ATP9B: variants seen among roughly 807,000 people sequenced by gnomAD.
The protein encoded by ATP9B is ATPase phospholipid transporting 9B.
A neutral mutation model predicts 146.1 loss-of-function variants in ATP9B; 110 were observed. The observed-to-expected ratio is 0.75, with a 90% CI of 0.65 to 0.88. ATP9B has a LOEUF of 0.88. Among genes scored for constraint, ATP9B ranks in the 40% least tolerant of loss-of-function variants. The pLI, the probability that ATP9B is intolerant of heterozygous loss-of-function variation, is 0.00. For synonymous variants in ATP9B, 604 were observed against 569.7 expected, an observed-to-expected ratio of 1.06 and a Z score of -0.86; for missense variants, 1,499 against 1,496.4, an observed-to-expected ratio of 1.00 and a Z score of -0.03.
chr18:79,186,106 TAAC>T (rs2095306190), intron 8 of ATP9B, among the ~76,000 whole-genome samples: 1 of 152,230 alleles, frequency 6.6e-6, no homozygotes, highest in South Asian at 2.1e-4. Context: ...ACAAATTTAT[TAAC>T]AACCACAAGG....
chr18:79,345,922 T>C, intron 23 of ATP9B, 83 bp downstream of exon 23: 1 of 1,462,694 alleles, frequency 6.8e-7, no homozygotes, highest in Non-Finnish European at 9.5e-7. Flanking sequence ...CACTGTACAC[T>C]CAGCACCTAC....
At chr18:79,206,496 T>G (rs927931780) in intron 9 of ATP9B, among the ~76,000 whole-genome samples, 2 of 152,098 alleles carry the variant, frequency 1.3e-5, no homozygotes, top group Non-Finnish European at 2.9e-5. Flanking sequence ...AATGATGTGT[T>G]AAAGATGTAG....
intron 12 of ATP9B, among the ~76,000 whole-genome samples, chr18:79,264,791 G>C (rs1295906886): frequency 6.6e-6 from 1 of 152,080 alleles, no homozygotes; most frequent in African/African-American, 2.4e-5. Flanking sequence ...TGCCCCGTCT[G>C]CCATGTACCA....
At position 79,288,037 on chromosome 18, in the gene ATP9B, C is replaced by G. The variant is rs374255120; in HGVS notation, c.1411+10841C>G. On this transcript the variant is annotated intron_variant, in intron 13 of 29. Coordinates refer to ENST00000426216, the MANE Select transcript of ATP9B (RefSeq NM_198531.5). ...TTGCTGAGGAGAGCTTTACTTCCAA[C>G]TATGTGGTCAATTTTGGAATAGGTG... Among the ~76,000 whole-genome samples, 335 of 151,686 alleles carry G rather than the reference C, an allele frequency of 2.2e-3. 1 individual carries two copies. The highest frequency in any genetic ancestry group is 5.2e-3 in the South Asian group (25 of 4,766).
intron 13 of ATP9B, among the ~76,000 whole-genome samples, chr18:79,288,394 C>G (rs1278558319): frequency 6.6e-6 from 1 of 152,026 alleles, no homozygotes; most frequent in African/African-American, 2.4e-5. Flanking sequence ...TTTTGATCTT[C>G]GTTGGTTTAA....
At chr18:79,323,349 A>G (rs902493595) in intron 15 of ATP9B, among the ~76,000 whole-genome samples, 1 of 152,154 alleles carries the variant, frequency 6.6e-6, no homozygotes, top group Admixed American at 6.5e-5. Flanking sequence ...AGTGAAGGTC[A>G]CCCTATCATG....
chr18:79,206,415 A>G (rs1023256809), intron 9 of ATP9B, among the ~76,000 whole-genome samples: 5 of 152,118 alleles, frequency 3.3e-5, no homozygotes, highest in African/African-American at 1.2e-4. Flanking sequence ...ATGCACGCAA[A>G]AGAAATGTTG....
At chr18:79,088,364 C>G (rs1437570011) in intron 1 of ATP9B, among the ~76,000 whole-genome samples, 1 of 152,108 alleles carries the variant, frequency 6.6e-6, no homozygotes, top group Non-Finnish European at 1.5e-5. Context: ...TGTATAAATA[C>G]TCATTTTCTA....
At chr18:79,256,258 T>C (rs868077419) in intron 12 of ATP9B, among the ~76,000 whole-genome samples, 932 of 14,910 alleles carry the variant, frequency 0.063, 22 homozygotes, top group Non-Finnish European at 0.092. Context: ...TCTAGCTAGC[T>C]ATATATATAT....
intron 8 of ATP9B, among the ~76,000 whole-genome samples, chr18:79,179,889 C>A (rs902147155): frequency 2.0e-4 from 31 of 152,260 alleles, no homozygotes; most frequent in African/African-American, 7.5e-4. Flanking sequence ...TTTTAAGATC[C>A]CATACCTTTT....
intron 1 of ATP9B, among the ~76,000 whole-genome samples, chr18:79,093,314 G>A (rs1312110570): frequency 6.6e-6 from 1 of 152,172 alleles, no homozygotes; most frequent in African/African-American, 2.4e-5. Flanking sequence ...GTTGCTGGAT[G>A]TAGACTTCTG....
chr18:79,334,184 C>T (rs1346388868), intron 17 of ATP9B, among the ~76,000 whole-genome samples: 6 of 151,972 alleles, frequency 3.9e-5, no homozygotes, highest in Admixed American at 1.3e-4. Flanking sequence ...GGTGAAACCC[C>T]GTCTCTACTA....
rs114277865 is a variant in ATP9B, at chr18:79,324,687, A to G, written c.1774-4454A>G. ...CCCTTACATGCAGGGTTGATTAATA[A>G]GAGTAAAGGCTCTTTTCCCTTAAAT... On this transcript the variant is annotated intron_variant, in intron 15 of 29. Transcript: ENST00000426216. 3.3e-3 allele frequency among the ~76,000 whole-genome samples: 420 copies of G among 125,386 alleles called. 4 individuals are homozygous for G. Among genetic ancestry groups the G allele is most frequent in the African/African-American group, 0.012 (399 of 33,160 alleles). 82.3% of individuals were successfully genotyped at this position (125,386 alleles called of 152,430 possible). A position where few individuals can be genotyped will look rare whatever the true frequency, so the allele number is the denominator to read the frequency against.
chr18:79,277,228 T>C (rs768198636), intron 13 of ATP9B, 32 bp downstream of exon 13: 1 of 1,610,588 alleles, frequency 6.2e-7, no homozygotes, highest in Admixed American at 1.7e-5. Flanking sequence ...CACCTTTGAA[T>C]GGACAAAATG....
At chr18:79,087,938 T>A (rs948963642) in intron 1 of ATP9B, among the ~76,000 whole-genome samples, 1 of 152,254 alleles carries the variant, frequency 6.6e-6, no homozygotes, top group African/African-American at 2.4e-5. Flanking sequence ...GCTGGAAACG[T>A]TGATTTTTCT....
intron 15 of ATP9B, among the ~76,000 whole-genome samples, chr18:79,318,974 A>G (rs763610638): frequency 2.6e-5 from 4 of 152,178 alleles, no homozygotes; most frequent in African/African-American, 7.2e-5. Flanking sequence ...AATTAGAAAA[A>G]TGTTAAAAAT....
At chr18:79,103,890 G>A (rs1343340926) in intron 2 of ATP9B, among the ~76,000 whole-genome samples, 5 of 152,106 alleles carry the variant, frequency 3.3e-5, no homozygotes, top group African/African-American at 1.2e-4. Flanking sequence ...GGGGCAGAGA[G>A]TTGACTGCTA....
chr18:79,104,061 C>T (rs941667439), intron 2 of ATP9B, among the ~76,000 whole-genome samples: 3 of 152,258 alleles, frequency 2.0e-5, no homozygotes, highest in African/African-American at 7.2e-5. Flanking sequence ...GACCTGGTGA[C>T]CTAAAGCCCT....
intron 5 of ATP9B, 122 bp from the exon 6 acceptor site, chr18:79,143,680 A>C (rs1300865862): frequency 8.7e-6 from 5 of 573,140 alleles, no homozygotes; most frequent in Non-Finnish European, 1.5e-5. Context: ...GTACAAGTAT[A>C]GGGAAATTTC....
Sources: allele counts gnomAD v4.1 joint callset (sites outside exome capture counted in the v4.1 genomes callset), GRCh38; gene constraint gnomAD v4.1.1; transcripts MANE v1.5; gene names NCBI Gene and HGNC (gene_info 2026-07-23, HGNC 2026-07-21).